Variants in MCCC2 observed in about 807,000 individuals in gnomAD.
MCCC2 encodes the protein methylcrotonyl-CoA carboxylase subunit 2.
In MCCC2, 52 loss-of-function variants were observed where a neutral mutation model predicts 77.2. That is an observed-to-expected ratio of 0.67 (90% CI 0.54 to 0.85). The LOEUF is 0.85. Among genes scored for constraint, MCCC2 ranks in the 40% least tolerant of loss-of-function variants. MCCC2 has a pLI of 0.00. For synonymous variants in MCCC2, 253 were observed against 248.4 expected (o/e 1.02, Z -0.18); for missense variants, 682 against 703.2 (o/e 0.97, Z 0.34).
At chr5:71,654,834 T>C (rs1747536310) in intron 16 of MCCC2, among the ~76,000 whole-genome samples, 1 of 151,662 alleles carries the variant, frequency 6.6e-6, no homozygotes, top group Admixed American at 6.6e-5. Flanking sequence ...TGTGGATCTG[T>C]AGATTTTTTT....
chr5:71,591,498 G>A (rs1296490332), intron 1 of MCCC2, among the ~76,000 whole-genome samples: 4 of 138,544 alleles, frequency 2.9e-5, no homozygotes, highest in Non-Finnish European at 6.1e-5. Context: ...GTGCAATGAT[G>A]CAATCTTGGC....
At chr5:71,598,259 C>T (rs1205225554) in intron 3 of MCCC2, among the ~76,000 whole-genome samples, 2 of 150,872 alleles carry the variant, frequency 1.3e-5, no homozygotes, top group African/African-American at 2.4e-5. Flanking sequence ...TTAGTAGAGA[C>T]GGGGTTTCAC....
intron 5 of MCCC2, among the ~76,000 whole-genome samples, chr5:71,603,520 G>C (rs1179438579): frequency 6.6e-6 from 1 of 151,768 alleles, no homozygotes; most frequent in African/African-American, 2.4e-5. Flanking sequence ...AACGGGTACT[G>C]ATGTAGAGGT....
At chr5:71,654,041 A>G (rs1747515986) in intron 16 of MCCC2, among the ~76,000 whole-genome samples, 2 of 152,146 alleles carry the variant, frequency 1.3e-5, no homozygotes, top group Non-Finnish European at 2.9e-5. Flanking sequence ...TCTGTTGCCC[A>G]GTTTGGAGTG....
At chr5:71,592,251 C>T (rs1166056813) in intron 1 of MCCC2, among the ~76,000 whole-genome samples, 1 of 152,074 alleles carries the variant, frequency 6.6e-6, no homozygotes, top group Non-Finnish European at 1.5e-5. Context: ...CATGGTGGCA[C>T]ACACCTGTAG....
chr5:71,649,108 G>C lies in MCCC2; in HGVS notation c.1228G>C (p.Gly410Arg). ...FLQNITGFMV[G>R]REYEAEGIAK... The stretch of plus-strand genomic sequence containing the variant: ...GATCTTTCTCTCAGGATTTATGGTT[G>C]GTAGAGAGTATGAAGCTGAAGGAAT... Residue 410 changes from glycine (G) to arginine (R), a missense_variant, in exon 14 of 17, where the codon GGT (glycine) becomes CGT (arginine). Gly to Arg is a moderately radical substitution (Grantham distance 125, BLOSUM62 -2). Transcript: ENST00000340941. 1 of 1,614,212 alleles carries C rather than the reference G, an allele frequency of 6.2e-7. No individual in the cohort carries two copies. The highest frequency in any genetic ancestry group is 8.5e-7 in the Non-Finnish European group (1 of 1,180,036).
chr5:71,603,503 G>C (rs1745536445), intron 5 of MCCC2, among the ~76,000 whole-genome samples: 1 of 151,826 alleles, frequency 6.6e-6, no homozygotes, highest in South Asian at 2.1e-4. Flanking sequence ...ATGTATGCAG[G>C]TATTTGAACG....
chr5:71,649,224 A>G lies in MCCC2; in HGVS notation c.1344A>G (p.Gly448=), dbSNP rs201238842. Residue 448 remains glycine, a synonymous_variant, in exon 14 of 17, where the codon GGA becomes GGG. Transcript: ENST00000340941. ...TLIIGGSYGA[G]NYGMCGRAYS... ...TCATTGGGGGCTCCTATGGAGCCGG[A>G]AACTATGGGATGTGTGGCAGAGCAT... 1.5e-5 allele frequency: 25 copies of G among 1,614,066 alleles called. No individual in the cohort carries two copies. Among genetic ancestry groups the G allele is most frequent in the Non-Finnish European group, 3.4e-6 (4 of 1,179,992 alleles).
intron 13 of MCCC2, among the ~76,000 whole-genome samples, chr5:71,648,582 A>G (rs868773810): frequency 6.6e-6 from 1 of 152,230 alleles, no homozygotes; most frequent in Non-Finnish European, 1.5e-5. Flanking sequence ...AAGCCCTCAT[A>G]GTTAGGCTCA....
intron 6 of MCCC2, among the ~76,000 whole-genome samples, chr5:71,604,763 G>C (rs1046987275): frequency 1.1e-4 from 17 of 148,596 alleles, no homozygotes; most frequent in African/African-American, 4.2e-4. Flanking sequence ...CCCAGAGTGT[G>C]ATATTCCCCT....
At chr5:71,604,321 T>C (rs1453088030) in intron 5 of MCCC2, 35 bp from the exon 6 acceptor site, 1 of 1,551,816 alleles carries the variant, frequency 6.4e-7, no homozygotes, top group Non-Finnish European at 8.9e-7. Context: ...ATTTAGTTCA[T>C]AGAGATGCTT....
chr5:71,596,511 C>A, intron 3 of MCCC2, 147 bp downstream of exon 3: 1 of 775,318 alleles, frequency 1.3e-6, no homozygotes, highest in Non-Finnish European at 2.2e-6. Flanking sequence ...ATGTGTCAAG[C>A]ACTATGTGTT....
At position 71,626,735 on chromosome 5, in the gene MCCC2, C is replaced by T. The variant is rs201655594; in HGVS notation, c.720C>T (p.Phe240=). ...NIIVRKQGTI[F]LAGPPLVKAA... ...TTGTACGCAAGCAGGGTACCATTTTCTTGGCAGGACCCCCCTTGGTAAGAA... is the reference window on the plus strand; with the variant it reads ...TTGTACGCAAGCAGGGTACCATTTTTTTGGCAGGACCCCCCTTGGTAAGAA... The change falls in exon 7 of 17, where the codon TTC becomes TTT. Residue 240 remains phenylalanine (F), a synonymous_variant. Transcript: ENST00000340941. 5 of 1,614,190 alleles carry T rather than the reference C, an allele frequency of 3.1e-6. No homozygotes were observed. The highest frequency in any genetic ancestry group is 4.2e-6 in the Non-Finnish European group (5 of 1,180,022).
intron 16 of MCCC2, 25 bp downstream of exon 16, chr5:71,652,779 C>G (rs1265891950): frequency 3.1e-6 from 5 of 1,597,214 alleles, no homozygotes; most frequent in African/African-American, 1.3e-5. Flanking sequence ...ATCACTAACT[C>G]TCTGATGGGT....
chr5:71,638,218 G>A (rs1270806746), intron 10 of MCCC2, among the ~76,000 whole-genome samples: 1 of 152,150 alleles, frequency 6.6e-6, no homozygotes, highest in Admixed American at 6.5e-5. Flanking sequence ...ACATGAAATT[G>A]CAGCAGTTCA....
intron 3 of MCCC2, among the ~76,000 whole-genome samples, chr5:71,598,160 C>T (rs1189573249): frequency 6.6e-6 from 1 of 151,676 alleles, no homozygotes; most frequent in Non-Finnish European, 1.5e-5. Context: ...TAACCTCCGC[C>T]TCCTGGGTTC....
intron 6 of MCCC2, among the ~76,000 whole-genome samples, chr5:71,610,102 G>C (rs750199077): frequency 2.6e-5 from 4 of 152,250 alleles, no homozygotes; most frequent in Non-Finnish European, 4.4e-5. Flanking sequence ...CACCCAGTTC[G>C]AGCTTCCTGG....
Position 71,599,650 on chromosome 5 carries a change from T to A in MCCC2, c.282-9T>A. 6.2e-7 allele frequency: 1 copy of A among 1,605,410 alleles called. No homozygotes were observed. ...CATTAATTCAAACAACATCCTTTCT[T>A]CGCTTTAGGTCTCCATTTCTGGAAT... On this transcript the variant is annotated splice_polypyrimidine_tract_variant and intron_variant, in intron 3 of 16. Coordinates refer to ENST00000340941, the MANE Select transcript of MCCC2 (RefSeq NM_022132.5).
chr5:71,651,435 ATTAG>A (rs1172924463), intron 15 of MCCC2, among the ~76,000 whole-genome samples: 1 of 152,150 alleles, frequency 6.6e-6, no homozygotes, highest in East Asian at 1.9e-4. Flanking sequence ...ATTAATTTTT[ATTAG>A]TTACAACTTT....
Sources: allele counts gnomAD v4.1 joint callset (sites outside exome capture counted in the v4.1 genomes callset), GRCh38; gene constraint gnomAD v4.1.1; transcripts MANE v1.5; gene names NCBI Gene and HGNC (gene_info 2026-07-23, HGNC 2026-07-21).